The following GLI2 variants were observed in gnomAD, a reference collection of about 807,000 sequenced individuals.
The protein encoded by GLI2 is GLI family zinc finger 2, also known as transcription activator GLI2.
GLI2 carries 22 observed loss-of-function variants against 78.9 expected under a neutral mutation model. That is an observed-to-expected ratio of 0.28 (90% CI 0.20 to 0.40). The LOEUF is 0.40. Among genes scored for constraint, GLI2 ranks in the 10% least tolerant of loss-of-function variants. The pLI is 1.00. For synonymous variants in GLI2, 974 were observed against 963.7 expected (o/e 1.01, Z -0.20); for missense variants, 2,097 against 2,213.2 (o/e 0.95, Z 1.05).
rs55794893 is a variant in GLI2, at chr2:120,898,177, AACACACACACACACAC to A, written c.149-29160_149-29145del. Among the ~76,000 whole-genome samples the A allele has an allele frequency of 5.0e-5, 7 of 140,312 alleles. No homozygotes were observed. The East Asian group carries it at 6.4e-4, about 13-fold the overall frequency. 92.1% of individuals were successfully genotyped at this position (140,312 alleles called of 152,430 possible). A position where few individuals can be genotyped will look rare whatever the true frequency, so the allele number is the denominator to read the frequency against. On this transcript the variant is annotated intron_variant, in intron 2 of 13. Transcript: ENST00000361492. ...GGCATAAGGCACTGATATAGATTAAAACACACACACACACACACACACACACACACACACACACAAA... is the reference window on the plus strand; with the variant it reads ...GGCATAAGGCACTGATATAGATTAAAACACACACACACACACACACACAAA...
At chr2:120,877,289 G>A (rs1434402473) in intron 2 of GLI2, among the ~76,000 whole-genome samples, 2 of 152,146 alleles carry the variant, frequency 1.3e-5, no homozygotes, top group African/African-American at 2.4e-5. Context: ...GTTTCTCCAG[G>A]GCCTTGTGTG....
chr2:120,847,562 G>A (rs935017114), intron 2 of GLI2, among the ~76,000 whole-genome samples: 25 of 152,008 alleles, frequency 1.6e-4, no homozygotes, highest in Non-Finnish European at 2.8e-4. Flanking sequence ...GGAAGGAAGC[G>A]GAGCAATGGC....
chr2:120,775,938 C>T (rs1351897588), intron 1 of GLI2, among the ~76,000 whole-genome samples: 2 of 152,382 alleles, frequency 1.3e-5, no homozygotes, highest in Middle Eastern at 3.4e-3. Context: ...TGTTCTGCGG[C>T]CCTGGACCCC....
At chr2:120,770,170 C>T (rs1295610119) in intron 1 of GLI2, among the ~76,000 whole-genome samples, 1 of 152,192 alleles carries the variant, frequency 6.6e-6, no homozygotes, top group Non-Finnish European at 1.5e-5. Flanking sequence ...CCATATGAGG[C>T]TTCCATGTTC....
Position 120,968,764 on chromosome 2 carries a change from G to A in GLI2, c.694G>A (p.Ala232Thr), listed in dbSNP as rs1163330892. 6.2e-7 allele frequency: 1 copy of A among 1,613,696 alleles called. No homozygotes were observed. The highest frequency in any genetic ancestry group is 1.7e-5 in the Admixed American group (1 of 60,010). The part of the protein sequence containing the change: ...RVTPRLSRKR[A>T]LSISPLSDAS... ...GACGCCCCGCCTGAGCCGCAAGCGGGCGCTGTCCATCTCCCCACTCTCAGA... is the reference window on the plus strand; with the variant it reads ...GACGCCCCGCCTGAGCCGCAAGCGGACGCTGTCCATCTCCCCACTCTCAGA... Residue 232 changes from alanine to threonine, a missense_variant, in exon 6 of 14, where the codon GCG becomes ACG. This residue lies in a region of GLI2 where 578 missense variants were observed against 612.0 expected (regional missense o/e 0.94). Transcript: ENST00000361492.
chr2:120,787,411 C>T (rs574874776), intron 1 of GLI2, among the ~76,000 whole-genome samples: 1 of 152,256 alleles, frequency 6.6e-6, no homozygotes, highest in Admixed American at 6.5e-5. Flanking sequence ...GGTCCTTGCC[C>T]CCACCCCCAA....
intron 2 of GLI2, among the ~76,000 whole-genome samples, chr2:120,815,690 C>T (rs1685462775): frequency 3.3e-5 from 5 of 152,084 alleles, no homozygotes; most frequent in Admixed American, 3.3e-4. Context: ...CCTCCCCATA[C>T]CAGTTAGAGT....
At chr2:120,875,048 C>T (rs1258781631) in intron 2 of GLI2, among the ~76,000 whole-genome samples, 4 of 152,240 alleles carry the variant, frequency 2.6e-5, no homozygotes, top group African/African-American at 9.6e-5. Flanking sequence ...TGACCTCTGC[C>T]TTTGTGGGTG....
Position 120,793,209 on chromosome 2 carries a change from G to A in GLI2, c.-30-4082G>A, listed in dbSNP as rs190418724. Among the ~76,000 whole-genome samples the A allele has an allele frequency of 4.0e-3, 614 of 152,358 alleles. 6 individuals carry two copies. The highest frequency in any genetic ancestry group is 0.014 in the African/African-American group (580 of 41,588). On this transcript the variant is annotated intron_variant, in intron 1 of 13. Transcript: ENST00000361492. ...TCCGGGCCCTGGGTCCCGGGTGCCC[G>A]CTCCCACCCCCTTAGCAGAATTTTG...
chr2:120,953,663 C>T (rs796183646), intron 4 of GLI2, among the ~76,000 whole-genome samples: 72 of 152,282 alleles, frequency 4.7e-4, no homozygotes, highest in African/African-American at 1.5e-3. Flanking sequence ...GAAGCAGAGA[C>T]GCTGTATTCC....
At chr2:120,902,887 T>A (rs983155466) in intron 2 of GLI2, among the ~76,000 whole-genome samples, 1 of 152,170 alleles carries the variant, frequency 6.6e-6, no homozygotes, top group African/African-American at 2.4e-5. Flanking sequence ...CTTGATGGAT[T>A]GGGGAGGACA....
chr2:120,861,725 A>G (rs1252949552), intron 2 of GLI2, among the ~76,000 whole-genome samples: 1 of 152,018 alleles, frequency 6.6e-6, no homozygotes, highest in Admixed American at 6.5e-5. Context: ...ATACAGACGA[A>G]AAAGGCATTA....
At chr2:120,766,451 C>T (rs1683370007) in intron 1 of GLI2, among the ~76,000 whole-genome samples, 1 of 152,174 alleles carries the variant, frequency 6.6e-6, no homozygotes, top group African/African-American at 2.4e-5. Context: ...GGGGGAAGCC[C>T]TTGAGTAGAA....
chr2:120,815,571 C>T (rs1262837641), intron 2 of GLI2, among the ~76,000 whole-genome samples: 1 of 152,174 alleles, frequency 6.6e-6, no homozygotes. Context: ...TGGTCACGTG[C>T]CCCCTGGCCC....
intron 1 of GLI2, among the ~76,000 whole-genome samples, chr2:120,761,461 T>G (rs1274109455): frequency 6.6e-6 from 1 of 152,200 alleles, no homozygotes; most frequent in Non-Finnish European, 1.5e-5. Context: ...GCTGCTTCTC[T>G]CCCTGTTCTT....
intron 2 of GLI2, among the ~76,000 whole-genome samples, chr2:120,823,245 G>A (rs754935978): frequency 1.6e-4 from 24 of 152,142 alleles, no homozygotes; most frequent in Non-Finnish European, 2.6e-4. Flanking sequence ...AATTTCTGCC[G>A]TGGGAAGCTG....
intron 1 of GLI2, among the ~76,000 whole-genome samples, chr2:120,750,275 C>T (rs1051999501): frequency 6.6e-6 from 1 of 152,238 alleles, no homozygotes; most frequent in African/African-American, 2.4e-5. Context: ...CTTTTGGGGG[C>T]AAGTTTGGGT....
At chr2:120,891,693 C>A (rs964723302) in intron 2 of GLI2, among the ~76,000 whole-genome samples, 1 of 152,154 alleles carries the variant, frequency 6.6e-6, no homozygotes, top group Non-Finnish European at 1.5e-5. Context: ...GCCGGCTATG[C>A]TCCTGGCTCC....
At chr2:120,966,925 T>C (rs2677531) in intron 5 of GLI2, among the ~76,000 whole-genome samples, 147,139 of 152,326 alleles carry the variant, frequency 0.97, 71,144 homozygotes, top group East Asian at 1. Flanking sequence ...AGGAAAGCTT[T>C]GGGAGCACCC....
Sources: allele counts gnomAD v4.1 joint callset (sites outside exome capture counted in the v4.1 genomes callset), GRCh38; gene constraint gnomAD v4.1.1; regional missense constraint gnomAD v4.1.1; transcripts MANE v1.5; gene names NCBI Gene and HGNC (gene_info 2026-07-23, HGNC 2026-07-21).